Variants in ATF6 observed in about 807,000 individuals in gnomAD.
ATF6 encodes cyclic AMP-dependent transcription factor ATF-6 alpha.
In ATF6, 53 loss-of-function variants were observed where a neutral mutation model predicts 83.6. The ratio of observed to expected loss-of-function variants is 0.63; its 90% CI spans 0.51 to 0.80. The LOEUF (loss-of-function observed/expected upper bound fraction) is 0.80, where lower values mean the gene tolerates loss of function less well. Ranked by LOEUF, ATF6 falls within the 30% of genes least tolerant of loss-of-function variation. The pLI is 0.00. For synonymous variants in ATF6, 288 were observed against 285.8 expected, an observed-to-expected ratio of 1.01 and a Z score of -0.08; for missense variants, 744 against 797.9, an observed-to-expected ratio of 0.93 and a Z score of 0.81.
intron 6 of ATF6, among the ~76,000 whole-genome samples, chr1:161,795,026 G>T (rs1308239966): frequency 6.6e-6 from 1 of 152,134 alleles, no homozygotes; most frequent in Non-Finnish European, 1.5e-5. Flanking sequence ...ATGGGAGACA[G>T]AGGTAAAATA....
chr1:161,880,328 A>G (rs1003096681), intron 14 of ATF6, among the ~76,000 whole-genome samples: 2 of 148,028 alleles, frequency 1.4e-5, no homozygotes, highest in South Asian at 2.2e-4. Context: ...TGTGATATGT[A>G]TGTGTGTGTG....
chr1:161,800,293 T>C (rs893297390), intron 6 of ATF6, among the ~76,000 whole-genome samples: 1 of 152,210 alleles, frequency 6.6e-6, no homozygotes, highest in African/African-American at 2.4e-5. Flanking sequence ...ATGAAATTCA[T>C]TTATGTTTCA....
chr1:161,913,150 A>T (rs555130755), intron 15 of ATF6, among the ~76,000 whole-genome samples: 71 of 152,260 alleles, frequency 4.7e-4, no homozygotes, highest in Admixed American at 4.6e-3. Flanking sequence ...GACACATTAT[A>T]TTGAAAATCG....
intron 9 of ATF6, among the ~76,000 whole-genome samples, chr1:161,836,074 A>G (rs1686205759): frequency 6.6e-6 from 1 of 152,178 alleles, no homozygotes; most frequent in Admixed American, 6.5e-5. Flanking sequence ...TGGTTTTCTT[A>G]TGAGACTGTG....
chr1:161,828,678 T>C (rs534588920), intron 9 of ATF6, among the ~76,000 whole-genome samples: 6 of 152,312 alleles, frequency 3.9e-5, no homozygotes, highest in East Asian at 3.9e-4. Context: ...GAAAAGTCTT[T>C]CCTGATAATT....
At chr1:161,836,595 A>T (rs571824133) in intron 9 of ATF6, among the ~76,000 whole-genome samples, 56 of 152,326 alleles carry the variant, frequency 3.7e-4, no homozygotes, top group African/African-American at 1.3e-3. Flanking sequence ...ACACAAAGTA[A>T]TTGGTTCTCT....
At chr1:161,866,677 A>C (rs138567994) in intron 14 of ATF6, among the ~76,000 whole-genome samples, 271 of 152,346 alleles carry the variant, frequency 1.8e-3, no homozygotes, top group African/African-American at 6.2e-3. Context: ...CAAACTTCCA[A>C]GTCACTTTGA....
Position 161,819,698 on chromosome 1 carries a change from G to C in ATF6, c.975G>C (p.Lys325Asn), listed in dbSNP as rs375611244. Reference protein sequence around the residue: ...KNRESACQSRKKKKEYMLGLE... With the variant: ...KNRESACQSRNKKKEYMLGLE... ...GAGAATCCGCTTGTCAGTCTCGCAA[G>C]AAGAAGAAAGAATATATGCTAGGGT... Residue 325 changes from lysine (K) to asparagine (N), a missense_variant, in exon 8 of 16, where the codon AAG (lysine) becomes AAC (asparagine). By Grantham distance (94) the Lys-to-Asn change is moderately conservative. Coordinates refer to ENST00000367942, the MANE Select transcript of ATF6 (RefSeq NM_007348.4). 3 of 1,611,972 alleles carry C rather than the reference G, an allele frequency of 1.9e-6. No individual in the cohort carries two copies. Among genetic ancestry groups the C allele is most frequent in the African/African-American group, 1.3e-5 (1 of 74,742 alleles).
chr1:161,805,455 A>T (rs1009159966), intron 7 of ATF6, among the ~76,000 whole-genome samples: 2 of 152,198 alleles, frequency 1.3e-5, no homozygotes, highest in African/African-American at 4.8e-5. Flanking sequence ...TGGCCAGCAC[A>T]TCGAGACGTG....
chr1:161,954,121 G>A (rs1688922503), intron 15 of ATF6, among the ~76,000 whole-genome samples: 2 of 152,166 alleles, frequency 1.3e-5, no homozygotes, highest in Admixed American at 6.5e-5. Flanking sequence ...GGTGTGTAGG[G>A]ATGGTCAAAA....
At chr1:161,919,840 T>C (rs2101894426) in intron 15 of ATF6, among the ~76,000 whole-genome samples, 1 of 152,350 alleles carries the variant, frequency 6.6e-6, no homozygotes, top group South Asian at 2.1e-4. Flanking sequence ...AAGAGCTTAA[T>C]AGCAATGGTT....
At chr1:161,911,765 C>A (rs905725434) in intron 14 of ATF6, among the ~76,000 whole-genome samples, 1 of 152,132 alleles carries the variant, frequency 6.6e-6, no homozygotes, top group African/African-American at 2.4e-5. Context: ...TTTCTTTCTT[C>A]TACAGATAGA....
intron 4 of ATF6, among the ~76,000 whole-genome samples, chr1:161,789,252 C>CT (rs71755584): frequency 0.067 from 6,759 of 101,350 alleles, 1,106 homozygotes; most frequent in African/African-American, 0.2. Context: ...ATTCCTTCTC[C>CT]TTTTTTTTTT....
rs549729859 is a variant in ATF6, at chr1:161,960,625, G to A, written c.*1971G>A. The A allele has an allele frequency of 6.6e-6, 1 of 152,362 alleles. No homozygotes were observed. The highest frequency in any genetic ancestry group is 2.4e-5 in the African/African-American group (1 of 41,576). 9.4% of individuals were successfully genotyped at this position (152,362 alleles called of 1,614,324 possible). ...TACCTGGGAGTCTGGAGTTTGAAAA[G>A]TGCTAATTAACCTTCCTCTTTTTCC... On this transcript the variant is annotated 3_prime_UTR_variant, in exon 16 of 16. Transcript: ENST00000367942.
chr1:161,812,384 T>C (rs1206046161), intron 7 of ATF6, among the ~76,000 whole-genome samples: 17 of 95,716 alleles, frequency 1.8e-4, no homozygotes, highest in African/African-American at 5.8e-4. Context: ...TTTTTTTTTT[T>C]TTTTTTTTTT....
chr1:161,872,805 T>C (rs1280497593), intron 14 of ATF6, among the ~76,000 whole-genome samples: 1 of 151,540 alleles, frequency 6.6e-6, no homozygotes, highest in Non-Finnish European at 1.5e-5. Flanking sequence ...AAACAATGGT[T>C]TGGTAAATCT....
chr1:161,939,907 G>C (rs1688611567), intron 15 of ATF6, among the ~76,000 whole-genome samples: 1 of 152,204 alleles, frequency 6.6e-6, no homozygotes, highest in Admixed American at 6.5e-5. Flanking sequence ...AGAGGAAAAA[G>C]AGCGTGATGG....
At chr1:161,821,304 A>G in intron 9 of ATF6, 143 bp downstream of exon 9, 1 of 546,790 alleles carries the variant, frequency 1.8e-6, no homozygotes, top group South Asian at 2.4e-5. Context: ...CATGCCTTCA[A>G]AGATCTCATG....
intron 9 of ATF6, among the ~76,000 whole-genome samples, chr1:161,839,749 CAT>C (rs1385024775): frequency 1.3e-5 from 2 of 152,110 alleles, no homozygotes; most frequent in Non-Finnish European, 2.9e-5. Flanking sequence ...GAGGGTTAGC[CAT>C]ATGGATATCT....
Sources: allele counts gnomAD v4.1 joint callset (sites outside exome capture counted in the v4.1 genomes callset), GRCh38; gene constraint gnomAD v4.1.1; transcripts MANE v1.5; gene names NCBI Gene and HGNC (gene_info 2026-07-23, HGNC 2026-07-21).